The following METTL15 variants were observed in gnomAD, a reference collection of about 807,000 sequenced individuals.
METTL15 encodes 12S rRNA N(4)-cytidine methyltransferase METTL15.
METTL15 carries 34 observed loss-of-function variants against 38.3 expected under a neutral mutation model. The ratio of observed to expected loss-of-function variants is 0.89; its 90% CI spans 0.68 to 1.18. The LOEUF (loss-of-function observed/expected upper bound fraction) is 1.18. METTL15 is among the 50% of genes most tolerant of loss of function. The pLI is 0.00. For synonymous variants in METTL15, 162 were observed against 170.9 expected, an observed-to-expected ratio of 0.95 and a Z score of 0.41; for missense variants, 438 against 498.4, an observed-to-expected ratio of 0.88 and a Z score of 1.15.
At chr11:28,283,292 A>G (rs766004677) in intron 4 of METTL15, among the ~76,000 whole-genome samples, 10 of 152,156 alleles carry the variant, frequency 6.6e-5, no homozygotes, top group Admixed American at 5.2e-4. Flanking sequence ...TGTCTGTGAA[A>G]TAAAATTATT....
intron 4 of METTL15, among the ~76,000 whole-genome samples, chr11:28,236,441 C>G (rs973720378): frequency 6.6e-6 from 1 of 152,046 alleles, no homozygotes; most frequent in Non-Finnish European, 1.5e-5. Flanking sequence ...TGGTCCTGGA[C>G]TCTTTTTGGT....
At position 28,140,996 on chromosome 11, in the gene METTL15, A is replaced by T. The variant is rs534792880; in HGVS notation, c.270+27392A>T. ...TAACTCCTTTCATTATTATAGCCAAATAGGTTCTTCTTGCCCGATGCCCAG... is the reference window on the plus strand; with the variant it reads ...TAACTCCTTTCATTATTATAGCCAATTAGGTTCTTCTTGCCCGATGCCCAG... On this transcript the variant is annotated intron_variant, in intron 3 of 6. Coordinates refer to ENST00000407364, the MANE Select transcript of METTL15 (RefSeq NM_001113528.2). Among the ~76,000 whole-genome samples the T allele has an allele frequency of 1.6e-4, 24 of 152,254 alleles. No homozygotes were observed. In the South Asian group the frequency reaches 4.6e-3, roughly 29 times the overall value.
intron 6 of METTL15, among the ~76,000 whole-genome samples, chr11:28,329,498 G>T (rs1484995622): frequency 1.3e-5 from 2 of 152,026 alleles, no homozygotes; most frequent in Non-Finnish European, 2.9e-5. Flanking sequence ...AAGTCAGCTG[G>T]AATTCTGATA....
intron 6 of METTL15, among the ~76,000 whole-genome samples, chr11:28,447,731 A>T (rs1851086848): frequency 6.6e-6 from 1 of 152,164 alleles, no homozygotes; most frequent in Non-Finnish European, 1.5e-5. Context: ...GCAGTTATGT[A>T]CTGTCTTGCT....
chr11:28,471,399 A>G (rs917923022), intron 6 of METTL15, among the ~76,000 whole-genome samples: 4 of 152,162 alleles, frequency 2.6e-5, no homozygotes, highest in Admixed American at 2.0e-4. Flanking sequence ...ACTGGCTGCT[A>G]CAAATTTTCT....
At chr11:28,219,775 G>A (rs1307487123) in intron 4 of METTL15, among the ~76,000 whole-genome samples, 1 of 151,852 alleles carries the variant, frequency 6.6e-6, no homozygotes, top group Non-Finnish European at 1.5e-5. Flanking sequence ...TGTTCTCGTT[G>A]GTTTCAAAGA....
Position 28,113,377 on chromosome 11 carries a change from C to T in METTL15, c.43C>T (p.Leu15Phe), listed in dbSNP as rs1276484670. 1 of 1,592,708 alleles carries T rather than the reference C, an allele frequency of 6.3e-7. No individual in the cohort carries two copies. The highest frequency in any genetic ancestry group is 1.1e-5 in the South Asian group (1 of 87,928). The part of the protein sequence containing the change: ...PYFCRMYKEC[L>F]SCWLESGIPN... The stretch of plus-strand genomic sequence containing the variant: ...TTTTTGTAGAATGTATAAAGAATGC[C>T]TTTCATGTTGGTTGGAATCTGGCAT... Residue 15 changes from leucine to phenylalanine, a missense_variant, in exon 3 of 7, where the codon CTT (leucine) becomes TTT (phenylalanine). Leu to Phe is a conservative substitution (Grantham distance 22). Transcript: ENST00000407364.
At chr11:28,314,212 C>T (rs948230135) in intron 6 of METTL15, among the ~76,000 whole-genome samples, 1 of 152,192 alleles carries the variant, frequency 6.6e-6, no homozygotes, top group Non-Finnish European at 1.5e-5. Context: ...CACATGACCT[C>T]TACCTTCTGG....
chr11:28,442,678 A>G (rs1851044893), intron 6 of METTL15, among the ~76,000 whole-genome samples: 1 of 152,192 alleles, frequency 6.6e-6, no homozygotes, highest in Admixed American at 6.5e-5. Flanking sequence ...GTTTATCTTT[A>G]AGAATTAGCT....
intron 3 of METTL15, among the ~76,000 whole-genome samples, chr11:28,133,059 A>G (rs1451734796): frequency 6.6e-6 from 1 of 152,240 alleles, no homozygotes; most frequent in Admixed American, 6.6e-5. Context: ...TTGTTGAAAT[A>G]TGTCATAAAG....
chr11:28,508,963 G>A (rs1042806168), intron 6 of METTL15, among the ~76,000 whole-genome samples: 15 of 152,220 alleles, frequency 9.9e-5, no homozygotes, highest in Admixed American at 7.2e-4. Context: ...ACTGACCAAC[G>A]TAGTGCATAA....
At chr11:28,112,314 AT>A (rs1851751464) in intron 2 of METTL15, among the ~76,000 whole-genome samples, 1 of 152,162 alleles carries the variant, frequency 6.6e-6, no homozygotes, top group African/African-American at 2.4e-5. Context: ...TTCAGAAAAC[AT>A]TTATTAAGCA....
chr11:28,382,759 C>T (rs1302994643), intron 5 of METTL15, among the ~76,000 whole-genome samples: 2 of 151,620 alleles, frequency 1.3e-5, no homozygotes, highest in Admixed American at 1.3e-4. Flanking sequence ...TGCTTGAACC[C>T]AGGAGGCAGA....
intron 6 of METTL15, among the ~76,000 whole-genome samples, chr11:28,490,167 A>G (rs1851482944): frequency 6.6e-6 from 1 of 152,158 alleles, no homozygotes; most frequent in African/African-American, 2.4e-5. Context: ...AAGATTTTTG[A>G]AAAGCATTCT....
At chr11:28,211,592 T>C (rs1453578127) in intron 4 of METTL15, among the ~76,000 whole-genome samples, 1 of 152,076 alleles carries the variant, frequency 6.6e-6, no homozygotes. Flanking sequence ...CATGAGGACA[T>C]ATACATCAAC....
At chr11:28,163,529 ATCTC>A (rs756098921) in intron 3 of METTL15, 265 of 334,044 alleles carry the variant, frequency 7.9e-4, no homozygotes, top group Middle Eastern at 1.5e-3. Flanking sequence ...CTTCTTACTG[ATCTC>A]TCTCTCTCTC....
At chr11:28,491,047 T>A (rs557521782) in intron 6 of METTL15, among the ~76,000 whole-genome samples, 1 of 152,254 alleles carries the variant, frequency 6.6e-6, no homozygotes, top group South Asian at 2.1e-4. Context: ...AATCTTGGCA[T>A]CCCTAAAAGG....
intron 3 of METTL15, among the ~76,000 whole-genome samples, chr11:28,115,689 A>C (rs1384068780): frequency 6.6e-6 from 1 of 152,192 alleles, no homozygotes; most frequent in Non-Finnish European, 1.5e-5. Flanking sequence ...GAAGTAGGTC[A>C]TCATAAAAGT....
At position 28,332,977 on chromosome 11, in the gene METTL15, CAG is replaced by C. The variant is rs760443889; in HGVS notation, c.*2137_*2138del. 5 of 134,322 alleles carry C rather than the reference CAG, an allele frequency of 3.7e-5. No individual in the cohort carries two copies. Among genetic ancestry groups the C allele is most frequent in the Admixed American group, 7.2e-5 (1 of 13,810 alleles). 8.3% of individuals were successfully genotyped at this position (134,322 alleles called of 1,614,324 possible). A position where few individuals can be genotyped will look rare whatever the true frequency, so the allele number is the denominator to read the frequency against. ...AAGGAAGAAAGAGAAGATAGAGACACAGGGGAGAATGCCACATGAAGCTGGAG... is the reference window on the plus strand; with the variant it reads ...AAGGAAGAAAGAGAAGATAGAGACACGGGAGAATGCCACATGAAGCTGGAG... On this transcript the variant is annotated 3_prime_UTR_variant, in exon 7 of 7. Transcript: ENST00000407364.
Sources: allele counts gnomAD v4.1 joint callset (sites outside exome capture counted in the v4.1 genomes callset), GRCh38; gene constraint gnomAD v4.1.1; transcripts MANE v1.5; gene names NCBI Gene and HGNC (gene_info 2026-07-23, HGNC 2026-07-21).